DMD: variants seen among roughly 807,000 people sequenced by gnomAD.
DMD encodes mutant dystrophin.
In DMD, 63 loss-of-function variants were observed where a neutral mutation model predicts 330.1. The observed-to-expected ratio is 0.19, with a 90% confidence interval of 0.16 to 0.24. The LOEUF is 0.24. DMD is among the 10% of genes least tolerant of loss of function. DMD has a pLI of 1.00. For missense variants in DMD, 3,344 were observed against 2,684.1 expected (o/e 1.25, Z -5.43); for synonymous variants, 1,223 against 959.8 (o/e 1.27, Z -5.07).
chrX:31,187,314 C>T (rs1002072156), intron 67 of DMD, among the ~76,000 whole-genome samples: 9 of 112,268 alleles, frequency 8.0e-5, no homozygotes, highest in African/African-American at 2.9e-4. Context: ...TTTACCAGAG[C>T]TGTCTTATCT....
At chrX:32,450,218 CTTA>C (rs772745018) in intron 26 of DMD, among the ~76,000 whole-genome samples, 324 of 110,480 alleles carry the variant, frequency 2.9e-3, no homozygotes, top group Non-Finnish European at 4.5e-3. Flanking sequence ...AAGGTAAGGG[CTTA>C]TTGGCAGGAT....
At chrX:33,216,761 C>T (rs1365240130) in intron 1 of DMD, among the ~76,000 whole-genome samples, 2 of 111,136 alleles carry the variant, frequency 1.8e-5, no homozygotes, top group Non-Finnish European at 3.8e-5. Context: ...TTAGATGATA[C>T]ATGTTGTAAA....
At chrX:32,179,176 C>G (rs1485509916) in intron 44 of DMD, among the ~76,000 whole-genome samples, 1 of 111,255 alleles carries the variant, frequency 9.0e-6, no homozygotes, top group Non-Finnish European at 1.9e-5. Flanking sequence ...GAACACCTTT[C>G]TTTTTACTTT....
intron 7 of DMD, among the ~76,000 whole-genome samples, chrX:32,775,883 CT>C (rs1235358458): frequency 8.9e-6 from 1 of 112,809 alleles, no homozygotes; most frequent in Admixed American, 9.3e-5. Context: ...CATGGACAGG[CT>C]GCAAATTTTC....
At chrX:32,252,839 TATAA>T (rs1201767341) in intron 43 of DMD, among the ~76,000 whole-genome samples, 4 of 62,906 alleles carry the variant, frequency 6.4e-5, no homozygotes, top group Non-Finnish European at 1.2e-4. Flanking sequence ...TATAAATATA[TATAA>T]ATATATAAAT....
intron 47 of DMD, among the ~76,000 whole-genome samples, chrX:31,878,332 T>A (rs1025267850): frequency 2.7e-5 from 3 of 111,988 alleles, no homozygotes; most frequent in Non-Finnish European, 5.6e-5. Flanking sequence ...GATTTCTGGG[T>A]CAAACAAGCT....
At chrX:33,178,433 T>A (rs2049795894) in intron 1 of DMD, among the ~76,000 whole-genome samples, 2 of 111,817 alleles carry the variant, frequency 1.8e-5, no homozygotes, top group South Asian at 7.5e-4. Flanking sequence ...AGGCAACAAA[T>A]CTCTCTTACT....
At chrX:33,111,376 C>A (rs2143844) in intron 1 of DMD, among the ~76,000 whole-genome samples, 45,837 of 110,540 alleles carry the variant, frequency 0.41, 7,804 homozygotes, top group Non-Finnish European at 0.53. Flanking sequence ...TACTAAGAAC[C>A]GTGCCCAATA....
chrX:32,662,035 C>T (rs375300998), intron 9 of DMD, among the ~76,000 whole-genome samples: 1 of 111,124 alleles, frequency 9.0e-6, no homozygotes, highest in South Asian at 3.7e-4. Flanking sequence ...ACAGAAATAC[C>T]TTTTTGTCAC....
intron 27 of DMD, among the ~76,000 whole-genome samples, chrX:32,448,238 TCAA>T (rs754249333): frequency 9.0e-6 from 1 of 111,202 alleles, no homozygotes; most frequent in African/African-American, 3.2e-5. Flanking sequence ...TTTAATTTTC[TCAA>T]CAACTTATGA....
At chrX:32,569,986 A>C (rs544779882) in intron 15 of DMD, among the ~76,000 whole-genome samples, 1 of 111,644 alleles carries the variant, frequency 9.0e-6, no homozygotes, top group South Asian at 3.8e-4. Flanking sequence ...CCTGATGCCA[A>C]ATCAGTTTAA....
Position 32,364,918 on chromosome X carries a change from G to A in DMD, c.5025+102C>T, listed in dbSNP as rs1229434390. ...TATTGAATTAAGAGCCAGCATATAC[G>A]TAGAATTGAGAAATTTTCAAACACA... On this transcript the variant is annotated intron_variant, in intron 35 of 78. Transcript: ENST00000357033. 17 of 944,532 alleles carry A rather than the reference G, an allele frequency of 1.8e-5. 1 individual carries two copies. The South Asian group carries it at 1.8e-4, about 10-fold the overall frequency. 77.8% of individuals were successfully genotyped at this position (944,532 alleles called of 1,213,427 possible).
chrX:32,399,672 G>A lies in DMD; in HGVS notation c.4234-9491C>T, dbSNP rs149830773. Among the ~76,000 whole-genome samples the A allele has an allele frequency of 7.2e-3, 802 of 111,151 alleles. 11 individuals carry two copies. Among genetic ancestry groups the A allele is most frequent in the African/African-American group, 0.025 (752 of 30,606 alleles). ...ACAACCACTATGGAAAACAAGTTTT[G>A]AGATTCCTCAAAAAACTGTAAACAG... is the stretch of plus-strand genomic sequence containing the variant. On this transcript the variant is annotated intron_variant, in intron 30 of 78. Coordinates refer to ENST00000357033, the MANE Select transcript of DMD (RefSeq NM_004006.3).
At chrX:31,227,671 A>G (rs954142169) in intron 63 of DMD, among the ~76,000 whole-genome samples, 10 of 110,962 alleles carry the variant, frequency 9.0e-5, no homozygotes, top group African/African-American at 3.3e-4. Context: ...ATGGCATTGA[A>G]TCTGTAAATT....
intron 68 of DMD, among the ~76,000 whole-genome samples, chrX:31,180,900 A>C (rs12843274): frequency 8.9e-6 from 1 of 112,345 alleles, no homozygotes; most frequent in African/African-American, 3.2e-5. Flanking sequence ...ATTATTTTCA[A>C]AACATTGTCA....
At chrX:32,721,975 A>T (rs1252325571) in intron 7 of DMD, among the ~76,000 whole-genome samples, 2 of 109,559 alleles carry the variant, frequency 1.8e-5, no homozygotes, top group Non-Finnish European at 3.8e-5. Context: ...ATATAGGCTT[A>T]GGTTTATTTG....
chrX:31,406,551 C>T (rs2061407949), intron 60 of DMD, among the ~76,000 whole-genome samples: 1 of 110,673 alleles, frequency 9.0e-6, no homozygotes, highest in African/African-American at 3.3e-5. Flanking sequence ...ATAATAATGA[C>T]AATAATAATA....
At position 31,566,504 on chromosome X, in the gene DMD, T is replaced by C. The variant is rs765838486; in HGVS notation, c.8218-59051A>G. On this transcript the variant is annotated intron_variant, in intron 55 of 78. Coordinates refer to ENST00000357033, the MANE Select transcript of DMD (RefSeq NM_004006.3). The stretch of plus-strand genomic sequence containing the variant: ...ATACTGTATTGATAGCCTTACTATA[T>C]TGTTAGCCATAATATTGGGTAGAGA... Among the ~76,000 whole-genome samples, 5 of 112,097 alleles carry C rather than the reference T, an allele frequency of 4.5e-5. No individual in the cohort carries two copies. In the East Asian group the frequency reaches 1.1e-3, roughly 25 times the overall value.
At chrX:31,485,258 G>A (rs1047091284) in intron 57 of DMD, among the ~76,000 whole-genome samples, 1 of 112,126 alleles carries the variant, frequency 8.9e-6, no homozygotes, top group South Asian at 3.7e-4. Flanking sequence ...GCAGTGGCAC[G>A]ATCTCGGCTT....
Sources: gnomAD v4.1 joint callset for allele counts (sites outside exome capture counted in the v4.1 genomes callset) on GRCh38, gnomAD v4.1.1 for gene constraint, MANE v1.5 for transcripts, NCBI Gene and HGNC (gene_info 2026-07-23, HGNC 2026-07-21) for gene names.